Variants in SHISA6 observed in about 807,000 individuals in gnomAD.
The protein encoded by SHISA6 is shisa family member 6.
Under a neutral mutation model 47.9 loss-of-function variants are expected in SHISA6, and 22 were observed. The observed-to-expected ratio is 0.46, with a 90% CI of 0.33 to 0.66. The LOEUF (loss-of-function observed/expected upper bound fraction) is 0.66. SHISA6 is among the 30% of genes least tolerant of loss of function. SHISA6 has a pLI of 0.02. For synonymous variants in SHISA6, 388 were observed against 337.8 expected (o/e 1.15, Z -1.63); for missense variants, 680 against 764.6 (o/e 0.89, Z 1.30).
At chr17:11,304,894 G>A (rs1437005403) in intron 2 of SHISA6, among the ~76,000 whole-genome samples, 1 of 152,150 alleles carries the variant, frequency 6.6e-6, no homozygotes, top group Admixed American at 6.5e-5. Context: ...TGGGTGGCTG[G>A]TTGGTCAAAG....
intron 2 of SHISA6, among the ~76,000 whole-genome samples, chr17:11,314,594 G>A (rs927466245): frequency 1.1e-4 from 17 of 148,584 alleles, no homozygotes; most frequent in African/African-American, 3.7e-4. Context: ...CGAGTACAAT[G>A]GCACAGTCTC....
chr17:11,405,897 C>CA (rs1913940134), intron 3 of SHISA6, among the ~76,000 whole-genome samples: 1 of 152,154 alleles, frequency 6.6e-6, no homozygotes, highest in South Asian at 2.1e-4. Context: ...TGCTCAACTC[C>CA]AAACCCAACC....
intron 3 of SHISA6, among the ~76,000 whole-genome samples, chr17:11,533,590 T>A (rs113230351): frequency 2.4e-4 from 18 of 76,526 alleles, no homozygotes; most frequent in African/African-American, 7.9e-4. Flanking sequence ...TTTCATTATT[T>A]TTTTTTTTTT....
intron 3 of SHISA6, among the ~76,000 whole-genome samples, chr17:11,512,388 C>G (rs1179398784): frequency 6.6e-6 from 1 of 152,204 alleles, no homozygotes; most frequent in African/African-American, 2.4e-5. Context: ...ATCTGTTCAA[C>G]TCACACACCC....
intron 3 of SHISA6, among the ~76,000 whole-genome samples, chr17:11,426,319 G>C (rs1178205109): frequency 6.6e-6 from 1 of 152,244 alleles, no homozygotes; most frequent in Non-Finnish European, 1.5e-5. Flanking sequence ...AGGAGCTTAT[G>C]TAGCTTGAAA....
chr17:11,462,880 G>A (rs1228380569), intron 3 of SHISA6, among the ~76,000 whole-genome samples: 3 of 152,118 alleles, frequency 2.0e-5, no homozygotes, highest in African/African-American at 7.2e-5. Context: ...TGCCCACCTT[G>A]GCCTCCCAAA....
chr17:11,437,560 G>A (rs1025366830), intron 3 of SHISA6, among the ~76,000 whole-genome samples: 2 of 152,128 alleles, frequency 1.3e-5, no homozygotes, highest in African/African-American at 4.8e-5. Flanking sequence ...CTTGTTCTCT[G>A]TTCCATGAGC....
chr17:11,471,017 C>G (rs1915922369), intron 3 of SHISA6, among the ~76,000 whole-genome samples: 1 of 152,074 alleles, frequency 6.6e-6, no homozygotes, highest in African/African-American at 2.4e-5. Flanking sequence ...CGAGACCAGT[C>G]TGGCCAACAT....
At chr17:11,503,188 C>T (rs767085705) in intron 3 of SHISA6, among the ~76,000 whole-genome samples, 16 of 152,116 alleles carry the variant, frequency 1.1e-4, no homozygotes, top group Non-Finnish European at 1.9e-4. Flanking sequence ...TGACTGAGAT[C>T]GCTGAGCTAG....
At chr17:11,255,211 T>C (rs1432923153) in intron 1 of SHISA6, among the ~76,000 whole-genome samples, 4 of 152,184 alleles carry the variant, frequency 2.6e-5, no homozygotes, top group African/African-American at 9.7e-5. Context: ...TCAGTAGAAA[T>C]TAAAGTGGTC....
chr17:11,246,655 C>T (rs1054020699), intron 1 of SHISA6, among the ~76,000 whole-genome samples: 23 of 152,182 alleles, frequency 1.5e-4, no homozygotes, highest in Non-Finnish European at 3.2e-4. Flanking sequence ...ATTATTCCCA[C>T]TGAAGGGACA....
chr17:11,557,832 A>G lies in SHISA6; in HGVS notation c.1184A>G (p.Asn395Ser), dbSNP rs1001420903. 76 of 1,551,196 alleles carry G rather than the reference A, an allele frequency of 4.9e-5. No individual in the cohort carries two copies. Among genetic ancestry groups the G allele is most frequent in the Admixed American group, 2.2e-4 (11 of 50,978 alleles). The change falls in exon 6 of 6, where the codon AAT becomes AGT. Residue 395 changes from asparagine to serine, a missense_variant. Transcript: ENST00000441885. ...GCTGCCCGCGGCACCCTCCCCCTCAATGTCATCCAGATGTCCCAACAGAAG... is the reference window on the plus strand; with the variant it reads ...GCTGCCCGCGGCACCCTCCCCCTCAGTGTCATCCAGATGTCCCAACAGAAG... ...DLAARGTLPL[N>S]VIQMSQQKPL...
At chr17:11,510,671 G>C (rs1391941641) in intron 3 of SHISA6, among the ~76,000 whole-genome samples, 1 of 152,190 alleles carries the variant, frequency 6.6e-6, no homozygotes, top group East Asian at 1.9e-4. Context: ...ACAGACATTT[G>C]AGAGAATGAA....
At chr17:11,462,595 C>T (rs1261771625) in intron 3 of SHISA6, among the ~76,000 whole-genome samples, 1 of 152,090 alleles carries the variant, frequency 6.6e-6, no homozygotes, top group Non-Finnish European at 1.5e-5. Context: ...ATAAACACAG[C>T]TGACAGTGTG....
intron 2 of SHISA6, among the ~76,000 whole-genome samples, chr17:11,338,748 C>G (rs1057297937): frequency 6.6e-6 from 1 of 152,068 alleles, no homozygotes; most frequent in Non-Finnish European, 1.5e-5. Context: ...ATTTATCTGT[C>G]TTTTCATTGG....
intron 2 of SHISA6, among the ~76,000 whole-genome samples, chr17:11,315,079 G>C (rs976339316): frequency 6.6e-6 from 1 of 152,142 alleles, no homozygotes; most frequent in African/African-American, 2.4e-5. Context: ...TAAACATCTT[G>C]AGTTTTCATA....
At chr17:11,470,490 C>G (rs1458605343) in intron 3 of SHISA6, among the ~76,000 whole-genome samples, 4 of 152,150 alleles carry the variant, frequency 2.6e-5, no homozygotes, top group African/African-American at 9.7e-5. Context: ...CAACAAGACC[C>G]CAAGGTCACC....
chr17:11,362,701 T>G (rs971894615), intron 2 of SHISA6, among the ~76,000 whole-genome samples: 1 of 152,218 alleles, frequency 6.6e-6, no homozygotes, highest in Non-Finnish European at 1.5e-5. Context: ...ACATCTTATG[T>G]AAGACTGTTT....
At chr17:11,339,165 T>TA (rs74468692) in intron 2 of SHISA6, among the ~76,000 whole-genome samples, 24,774 of 136,904 alleles carry the variant, frequency 0.18, 2,237 homozygotes, top group East Asian at 0.29. Flanking sequence ...AAAGTATGAT[T>TA]AAAAAAAAAA....
Sources: gnomAD v4.1 joint callset for allele counts (sites outside exome capture counted in the v4.1 genomes callset) on GRCh38, gnomAD v4.1.1 for gene constraint, MANE v1.5 for transcripts, NCBI Gene and HGNC (gene_info 2026-07-23, HGNC 2026-07-21) for gene names.